The following PATJ variants were observed in gnomAD, a reference collection of about 807,000 sequenced individuals.
PATJ encodes inaD-like protein.
A neutral mutation model predicts 224.9 loss-of-function variants in PATJ; 190 were observed. The ratio of observed to expected loss-of-function variants is 0.84; its 90% CI spans 0.75 to 0.95. PATJ has a LOEUF of 0.95. Among genes scored for constraint, PATJ ranks in the 40% least tolerant of loss-of-function variants. The pLI, the probability that PATJ is intolerant of heterozygous loss-of-function variation, is 0.00. For missense variants in PATJ, 2,121 were observed against 2,270.3 expected (o/e 0.93, Z 1.34); for synonymous variants, 769 against 820.3 (o/e 0.94, Z 1.07).
Position 62,163,822 on chromosome 1 carries a change from TGA to T in PATJ, c.*2772_*2773del, listed in dbSNP as rs1669999045. 6.6e-6 allele frequency: 1 copy of T among 152,154 alleles called. No individual in the cohort carries two copies. The highest frequency in any genetic ancestry group is 1.5e-5 in the Non-Finnish European group (1 of 68,036). 9.4% of individuals were successfully genotyped at this position (152,154 alleles called of 1,614,324 possible). On this transcript the variant is annotated 3_prime_UTR_variant, in exon 44 of 44. Transcript: ENST00000642238. ...ATGATATCACTAATCGGAATTAGCATGAGAGGGAAGTAAGCCAGGAAGAATAA... is the reference window on the plus strand; with the variant it reads ...ATGATATCACTAATCGGAATTAGCATGAGGGAAGTAAGCCAGGAAGAATAA...
intron 37 of PATJ, 27 bp from the exon 38 acceptor site, chr1:62,121,154 C>G: frequency 6.8e-7 from 1 of 1,467,406 alleles, no homozygotes; most frequent in Non-Finnish European, 9.5e-7. Flanking sequence ...TGTCTGCACA[C>G]AGGTGACCCC....
At chr1:62,013,673 T>C (rs549634415) in intron 28 of PATJ, among the ~76,000 whole-genome samples, 33 of 152,344 alleles carry the variant, frequency 2.2e-4, no homozygotes, top group Admixed American at 2.0e-3. Flanking sequence ...ATAGGTGATT[T>C]AGAAAAAGCT....
At chr1:62,113,372 C>T (rs1664080699) in intron 34 of PATJ, among the ~76,000 whole-genome samples, 2 of 152,164 alleles carry the variant, frequency 1.3e-5, no homozygotes, top group Non-Finnish European at 2.9e-5. Flanking sequence ...CATGGTGCCT[C>T]ATGCCTGTAA....
At chr1:61,899,547 A>G (rs542107578) in intron 22 of PATJ, 36 bp from the exon 23 acceptor site, 2 of 1,483,942 alleles carry the variant, frequency 1.3e-6, no homozygotes, top group Non-Finnish European at 1.9e-6. Flanking sequence ...AGTATGCCCT[A>G]AAATTGTGTG....
At chr1:61,841,166 A>G (rs1278963469) in intron 17 of PATJ, among the ~76,000 whole-genome samples, 1 of 151,614 alleles carries the variant, frequency 6.6e-6, no homozygotes, top group Non-Finnish European at 1.5e-5. Context: ...ACTTAATTTT[A>G]TTTATTTATT....
rs539162073 is a variant in PATJ at position 62,112,790 on chromosome 1, A to T, written c.4462-1263A>T. ...CTCTGCTCCTCGATTTCTCCCTCAT[A>T]TCAAATTTACTAACCAATGTCAGTA... On this transcript the variant is annotated intron_variant, in intron 34 of 43. Transcript: ENST00000642238. Among the ~76,000 whole-genome samples, 42 of 152,182 alleles carry T rather than the reference A, an allele frequency of 2.8e-4. No homozygotes were observed. The South Asian group carries it at 8.7e-3, about 32-fold the overall frequency.
rs758398229 is a variant in PATJ at position 62,110,449 on chromosome 1, T to G, written c.4461+1929T>G. On this transcript the variant is annotated intron_variant, in intron 34 of 43. Coordinates refer to ENST00000642238, the MANE Select transcript of PATJ (RefSeq NM_001350145.3). The stretch of plus-strand genomic sequence containing the variant: ...ACAATGCCCTTTGCACTCGTGAGAG[T>G]CCTCCGCATTCCGCAAATTGGCCTT... Among the ~76,000 whole-genome samples, 14 of 152,066 alleles carry G rather than the reference T, an allele frequency of 9.2e-5. 1 individual carries two copies. Among genetic ancestry groups the G allele is most frequent in the Admixed American group, 8.5e-4 (13 of 15,258 alleles).
intron 14 of PATJ, 71 bp from the exon 15 acceptor site, chr1:61,822,874 G>A: frequency 6.4e-7 from 1 of 1,573,432 alleles, no homozygotes; most frequent in South Asian, 1.2e-5. Context: ...CTTCAAAATA[G>A]CACTGGATGG....
At chr1:61,899,355 G>C (rs971412779) in intron 22 of PATJ, among the ~76,000 whole-genome samples, 5 of 152,090 alleles carry the variant, frequency 3.3e-5, no homozygotes, top group Admixed American at 3.3e-4. Flanking sequence ...TAATAAAAGT[G>C]TTTATAATAA....
intron 1 of PATJ, among the ~76,000 whole-genome samples, chr1:61,759,656 C>G (rs1279369713): frequency 6.6e-6 from 1 of 152,248 alleles, no homozygotes; most frequent in African/African-American, 2.4e-5. Flanking sequence ...GATCCGCCTA[C>G]CTTGGCCTCC....
intron 28 of PATJ, among the ~76,000 whole-genome samples, chr1:62,006,201 A>T (rs1020770760): frequency 3.3e-5 from 5 of 151,974 alleles, no homozygotes. Flanking sequence ...TGCAACCTCC[A>T]TCTCCCAGGT....
At chr1:62,028,184 C>T (rs933444488) in intron 29 of PATJ, among the ~76,000 whole-genome samples, 16 of 152,064 alleles carry the variant, frequency 1.1e-4, no homozygotes, top group African/African-American at 3.9e-4. Context: ...AAGGCTATGA[C>T]TTCATTCTTT....
chr1:62,117,478 T>TAA, intron 37 of PATJ: 1 of 1,205,658 alleles, frequency 8.3e-7, no homozygotes, highest in Non-Finnish European at 1.1e-6. Context: ...ATATTGCCTA[T>TAA]GCACGCATGT....
chr1:61,810,849 G>A (rs1045794148), intron 14 of PATJ, among the ~76,000 whole-genome samples: 21 of 151,946 alleles, frequency 1.4e-4, no homozygotes, highest in Middle Eastern at 6.8e-3. Context: ...ACTTGAACCC[G>A]GGAGGCGGAT....
chr1:62,132,799 G>A (rs1191102668), intron 41 of PATJ, among the ~76,000 whole-genome samples: 1 of 152,006 alleles, frequency 6.6e-6, no homozygotes, highest in Non-Finnish European at 1.5e-5. Flanking sequence ...AGCTACTGGC[G>A]AGGCTGGGGT....
At chr1:61,750,701 A>C (rs1645275752) in intron 1 of PATJ, among the ~76,000 whole-genome samples, 2 of 151,948 alleles carry the variant, frequency 1.3e-5, no homozygotes, top group South Asian at 4.1e-4. Context: ...TCGGCCTCCC[A>C]AAGTGCTGGG....
At chr1:62,132,458 A>G (rs2148959986) in intron 41 of PATJ, among the ~76,000 whole-genome samples, 1 of 152,202 alleles carries the variant, frequency 6.6e-6, no homozygotes, top group East Asian at 1.9e-4. Context: ...AGATCTCGCC[A>G]CTGCATTCTG....
intron 28 of PATJ, among the ~76,000 whole-genome samples, chr1:62,013,140 C>G (rs1189095876): frequency 6.6e-6 from 1 of 152,218 alleles, no homozygotes; most frequent in East Asian, 1.9e-4. Flanking sequence ...CAGATTTCCT[C>G]TTACGTAAAT....
At chr1:61,810,719 T>A (rs866118123) in intron 14 of PATJ, among the ~76,000 whole-genome samples, 119 of 148,624 alleles carry the variant, frequency 8.0e-4, no homozygotes, top group Middle Eastern at 3.4e-3. Flanking sequence ...AATAAATAAA[T>A]AAATAAATAA....
Sources: allele counts gnomAD v4.1 joint callset (sites outside exome capture counted in the v4.1 genomes callset), GRCh38; gene constraint gnomAD v4.1.1; transcripts MANE v1.5; gene names NCBI Gene and HGNC (gene_info 2026-07-23, HGNC 2026-07-21).